The following PDE7B variants were observed in gnomAD, a reference collection of about 807,000 sequenced individuals.
PDE7B encodes phosphodiesterase 7B.
Under a neutral mutation model 56.2 loss-of-function variants are expected in PDE7B, and 29 were observed. The ratio of observed to expected loss-of-function variants is 0.52; its 90% CI spans 0.38 to 0.70. PDE7B has a LOEUF of 0.70. Ranked by LOEUF, PDE7B falls within the 30% of genes least tolerant of loss-of-function variation. The pLI, the probability that PDE7B is intolerant of heterozygous loss-of-function variation, is 0.00. For missense variants in PDE7B, 490 were observed against 565.0 expected (o/e 0.87, Z 1.35); for synonymous variants, 197 against 196.9 (o/e 1.00, Z 0.00).
At chr6:136,152,107 A>C (rs906815631) in intron 6 of PDE7B, among the ~76,000 whole-genome samples, 3 of 152,192 alleles carry the variant, frequency 2.0e-5, no homozygotes, top group African/African-American at 7.2e-5. Context: ...CAGGGTGGCC[A>C]AGGCAGAAAG....
At chr6:136,091,778 C>T (rs958621930) in intron 2 of PDE7B, among the ~76,000 whole-genome samples, 2 of 152,134 alleles carry the variant, frequency 1.3e-5, no homozygotes, top group Non-Finnish European at 2.9e-5. Context: ...TCCTGGGTGG[C>T]CAGGCAGGCC....
rs76393848 is a variant in PDE7B at position 136,038,576 on chromosome 6, C to T, written c.83-70155C>T. ...TAGGTCACAGGACCAAGTCTGATAA[C>T]TAACTCCCTTTCTTTGTAGAGTCCA... On this transcript the variant is annotated intron_variant, in intron 2 of 12. Transcript: ENST00000308191. 1.7e-3 allele frequency: 2,024 copies of T among 1,223,978 alleles called. 21 individuals are homozygous for T. In the African/African-American group the frequency reaches 0.028, roughly 17 times the overall value. 75.8% of individuals were successfully genotyped at this position (1,223,978 alleles called of 1,614,324 possible).
intron 8 of PDE7B, among the ~76,000 whole-genome samples, chr6:136,167,352 G>A (rs548188265): frequency 1.3e-5 from 2 of 150,250 alleles, no homozygotes; most frequent in Non-Finnish European, 2.9e-5. Context: ...TCTGTGTCAT[G>A]GGGGGGAACA....
At chr6:135,933,075 G>A (rs1252801150) in intron 1 of PDE7B, among the ~76,000 whole-genome samples, 1 of 152,090 alleles carries the variant, frequency 6.6e-6, no homozygotes, top group Non-Finnish European at 1.5e-5. Context: ...AAGCACAGAG[G>A]GTTAGAATAA....
At chr6:135,909,533 A>T (rs1382897972) in intron 1 of PDE7B, among the ~76,000 whole-genome samples, 1 of 151,836 alleles carries the variant, frequency 6.6e-6, no homozygotes, top group Admixed American at 6.6e-5. Flanking sequence ...TTGAACTGGG[A>T]ATGTGGAGGT....
intron 1 of PDE7B, among the ~76,000 whole-genome samples, chr6:135,914,464 C>T (rs1776262084): frequency 7.5e-6 from 1 of 132,702 alleles, no homozygotes; most frequent in African/African-American, 2.7e-5. Flanking sequence ...TTTGGACTGG[C>T]TTATTTCCCT....
rs370146242 is a variant in PDE7B at position 135,978,912 on chromosome 6, A to G, written c.82+31388A>G. 4.1e-4 allele frequency among the ~76,000 whole-genome samples: 63 copies of G among 151,950 alleles called. No individual in the cohort carries two copies. In the East Asian group the frequency reaches 9.1e-3, roughly 22 times the overall value. ...TGCCCTGGCCAGAACTTCCAACACT[A>G]TGTTGAATAGGAGTGGTGAGAGAGG... On this transcript the variant is annotated intron_variant, in intron 2 of 12. Coordinates refer to ENST00000308191, the MANE Select transcript of PDE7B (RefSeq NM_018945.4).
At chr6:135,996,116 C>T (rs1188626646) in intron 2 of PDE7B, among the ~76,000 whole-genome samples, 1 of 152,000 alleles carries the variant, frequency 6.6e-6, no homozygotes, top group Non-Finnish European at 1.5e-5. Context: ...GGATCTTTAC[C>T]AAGAGAACAT....
intron 1 of PDE7B, among the ~76,000 whole-genome samples, chr6:135,856,143 T>A (rs1052261804): frequency 6.6e-6 from 1 of 152,184 alleles, no homozygotes; most frequent in Non-Finnish European, 1.5e-5. Flanking sequence ...ACCTCCAAGA[T>A]AATCTCATTG....
rs189940701 is a variant in PDE7B, at chr6:136,040,376, C to G, written c.83-68355C>G. On this transcript the variant is annotated intron_variant, in intron 2 of 12. Coordinates refer to ENST00000308191, the MANE Select transcript of PDE7B (RefSeq NM_018945.4). ...ATAAAACCTTTTCATCATCATCCAT[C>G]TATGCAGCAGCAGGTCATAGGATGC... 3.8e-3 allele frequency among the ~76,000 whole-genome samples: 582 copies of G among 152,316 alleles called. 2 individuals are homozygous for G. The highest frequency in any genetic ancestry group is 9.9e-3 in the South Asian group (48 of 4,826).
intron 3 of PDE7B, among the ~76,000 whole-genome samples, chr6:136,140,865 G>C (rs2128445912): frequency 6.6e-6 from 1 of 152,244 alleles, no homozygotes; most frequent in Non-Finnish European, 1.5e-5. Context: ...GAGACTTTGG[G>C]CTGAGACAAT....
chr6:136,179,572 A>G (rs897889832), intron 10 of PDE7B, among the ~76,000 whole-genome samples: 1 of 152,234 alleles, frequency 6.6e-6, no homozygotes, highest in African/African-American at 2.4e-5. Context: ...GATTTATCAC[A>G]GAGTAATCCC....
intron 8 of PDE7B, among the ~76,000 whole-genome samples, chr6:136,156,568 A>ATTT (rs1778609016): frequency 6.6e-6 from 1 of 152,150 alleles, no homozygotes; most frequent in East Asian, 1.9e-4. Flanking sequence ...TAGGGACCAC[A>ATTT]TTCAGGATAC....
At chr6:135,954,275 C>A (rs956494016) in intron 2 of PDE7B, among the ~76,000 whole-genome samples, 1 of 152,160 alleles carries the variant, frequency 6.6e-6, no homozygotes. Context: ...TCTAGCTGCC[C>A]AGCCCCTAAG....
chr6:135,964,113 TA>T (rs1203352845), intron 2 of PDE7B, among the ~76,000 whole-genome samples: 3 of 152,066 alleles, frequency 2.0e-5, no homozygotes, highest in African/African-American at 4.8e-5. Context: ...TTTTTTCTTT[TA>T]TTTTTTTTGA....
At chr6:135,989,889 A>G (rs573061787) in intron 2 of PDE7B, among the ~76,000 whole-genome samples, 102 of 152,182 alleles carry the variant, frequency 6.7e-4, no homozygotes, top group African/African-American at 1.8e-3. Context: ...CTCAAATTCA[A>G]TTTGAATATT....
intron 1 of PDE7B, among the ~76,000 whole-genome samples, chr6:135,866,258 C>A (rs1775259851): frequency 6.6e-6 from 1 of 151,868 alleles, no homozygotes; most frequent in African/African-American, 2.4e-5. Flanking sequence ...TTATTTGTAC[C>A]CACATCTACA....
chr6:135,957,613 T>C (rs1774820300), intron 2 of PDE7B, among the ~76,000 whole-genome samples: 1 of 152,144 alleles, frequency 6.6e-6, no homozygotes, highest in East Asian at 1.9e-4. Flanking sequence ...GCTTCTCCAC[T>C]TCCCCAGTGA....
intron 1 of PDE7B, among the ~76,000 whole-genome samples, chr6:135,945,483 C>A (rs1774580558): frequency 2.3e-5 from 1 of 42,612 alleles, no homozygotes; most frequent in Non-Finnish European, 4.9e-5. Context: ...AACTGTCCAT[C>A]TCCACATAAT....
Sources: allele counts gnomAD v4.1 joint callset (sites outside exome capture counted in the v4.1 genomes callset), GRCh38; gene constraint gnomAD v4.1.1; transcripts MANE v1.5; gene names NCBI Gene and HGNC (gene_info 2026-07-23, HGNC 2026-07-21).